Variants in MPHOSPH9 observed in about 807,000 individuals in gnomAD.
MPHOSPH9 encodes M-phase phosphoprotein 9.
MPHOSPH9 carries 88 observed loss-of-function variants against 145.5 expected under a neutral mutation model. The ratio of observed to expected loss-of-function variants is 0.60; its 90% CI spans 0.51 to 0.72. The LOEUF is 0.72. Ranked by LOEUF, MPHOSPH9 falls within the 30% of genes least tolerant of loss-of-function variation. MPHOSPH9 has a pLI of 0.00. For missense variants in MPHOSPH9, 1,238 were observed against 1,386.6 expected (o/e 0.89, Z 1.70); for synonymous variants, 435 against 486.2 (o/e 0.89, Z 1.39).
At chr12:123,240,462 G>T (rs947912572) in intron 1 of MPHOSPH9, 12 of 152,088 alleles carry the variant, frequency 7.9e-5, no homozygotes, top group African/African-American at 2.9e-4. Context: ...TTTGCATGGG[G>T]AGACTGGCTG....
In MPHOSPH9 at chr12:123,160,862, GA is replaced by G. The variant is rs925897346; in HGVS notation, c.3382-14del. On this transcript the variant is annotated splice_polypyrimidine_tract_variant and intron_variant, in intron 22 of 23. Transcript: ENST00000606320. The stretch of plus-strand genomic sequence containing the variant: ...GTGCTGCCTCAATCTGTTAACACAC[GA>G]AAAAAATATGTTTAAATTACTGGCA... 13 of 1,610,434 alleles carry G rather than the reference GA, an allele frequency of 8.1e-6. No individual in the cohort carries two copies. Among genetic ancestry groups the G allele is most frequent in the African/African-American group, 1.3e-5 (1 of 74,750 alleles).
At chr12:123,162,894 T>A in intron 20 of MPHOSPH9, 120 bp downstream of exon 20, 1 of 964,590 alleles carries the variant, frequency 1.0e-6, no homozygotes, top group Non-Finnish European at 1.4e-6. Flanking sequence ...ATGATTTAAA[T>A]GAAATTCACA....
chr12:123,210,947 C>A (rs1593201868), intron 7 of MPHOSPH9, among the ~76,000 whole-genome samples: 1 of 149,358 alleles, frequency 6.7e-6, no homozygotes, highest in Middle Eastern at 3.5e-3. Flanking sequence ...CATGCGCCAC[C>A]ATAACCAGCT....
chr12:123,187,696 G>A (rs1235360460), intron 13 of MPHOSPH9, among the ~76,000 whole-genome samples: 3 of 152,178 alleles, frequency 2.0e-5, no homozygotes, highest in Admixed American at 6.6e-5. Context: ...AGATTTACAC[G>A]AGAAGGAAAT....
chr12:123,226,173 GATT>G (rs1429848370), intron 3 of MPHOSPH9: 14 of 226,830 alleles, frequency 6.2e-5, no homozygotes, highest in African/African-American at 3.0e-4. Flanking sequence ...AGTGCATACT[GATT>G]ATTATATGCA....
intron 13 of MPHOSPH9, among the ~76,000 whole-genome samples, chr12:123,189,364 T>C (rs1238155132): frequency 6.6e-6 from 1 of 152,078 alleles, no homozygotes; most frequent in Non-Finnish European, 1.5e-5. Flanking sequence ...GAACAGAATA[T>C]GTCAAGATTT....
intron 11 of MPHOSPH9, among the ~76,000 whole-genome samples, chr12:123,201,406 G>A (rs922854551): frequency 6.6e-6 from 1 of 152,068 alleles, no homozygotes; most frequent in African/African-American, 2.4e-5. Context: ...TAGAGACAGG[G>A]TGTCGCTCTG....
intron 21 of MPHOSPH9, 136 bp from the exon 22 acceptor site, chr12:123,161,519 C>A: frequency 2.3e-6 from 2 of 885,948 alleles, no homozygotes; most frequent in Non-Finnish European, 1.7e-6. Flanking sequence ...AAAAGAGATA[C>A]AATAATCAAT....
At chr12:123,203,451 A>G in intron 8 of MPHOSPH9, 76 bp from the exon 9 acceptor site, 2 of 1,349,418 alleles carry the variant, frequency 1.5e-6, no homozygotes, top group Non-Finnish European at 2.0e-6. Flanking sequence ...AAGCACCATA[A>G]AAAGATTTTT....
rs1195290314 is a variant in MPHOSPH9 at position 123,198,320 on chromosome 12, T to C, written c.1952A>G (p.Asp651Gly). ...QILVDRCGQL[D>G]SALHEATSRV... ...ACTAGTAGCTTCATGCAAAGCACTATCTAATTGGCCACATCTAAAAACCAT... is the reference window on the plus strand; with the variant it reads ...ACTAGTAGCTTCATGCAAAGCACTACCTAATTGGCCACATCTAAAAACCAT... Residue 651 changes from aspartate (D) to glycine (G), a missense_variant, in exon 12 of 24, where the codon GAT (aspartate) becomes GGT (glycine). This residue lies in a region of MPHOSPH9 where 837 missense variants were observed against 897.5 expected (regional missense o/e 0.93). Coordinates refer to ENST00000606320, the MANE Select transcript of MPHOSPH9 (RefSeq NM_022782.4). The C allele has an allele frequency of 6.2e-7, 1 of 1,611,550 alleles. No individual in the cohort carries two copies. The highest frequency in any genetic ancestry group is 2.2e-5 in the East Asian group (1 of 44,828).
chr12:123,205,308 G>A (rs1394238973), intron 8 of MPHOSPH9, among the ~76,000 whole-genome samples: 1 of 152,198 alleles, frequency 6.6e-6, no homozygotes. Flanking sequence ...CACTTTGGGA[G>A]GCCAAGGCGG....
intron 3 of MPHOSPH9, among the ~76,000 whole-genome samples, chr12:123,226,828 G>A (rs998656618): frequency 9.9e-5 from 15 of 152,134 alleles, no homozygotes; most frequent in African/African-American, 3.1e-4. Context: ...GTAGAGACAG[G>A]GTCTCGCTAT....
At chr12:123,177,539 A>C (rs1302468920) in intron 15 of MPHOSPH9, among the ~76,000 whole-genome samples, 2 of 151,914 alleles carry the variant, frequency 1.3e-5, no homozygotes, top group Non-Finnish European at 2.9e-5. Context: ...TTGTCTCAAA[A>C]AAAAAATAAA....
At chr12:123,193,823 G>A in intron 13 of MPHOSPH9, among the ~76,000 whole-genome samples, 1 of 146,396 alleles carries the variant, frequency 6.8e-6, no homozygotes, top group African/African-American at 2.5e-5. Flanking sequence ...TGCAGACACA[G>A]TTTTTTTTTT....
chr12:123,215,826 A>G (rs558032063), intron 6 of MPHOSPH9, among the ~76,000 whole-genome samples: 1 of 152,220 alleles, frequency 6.6e-6, no homozygotes, highest in Admixed American at 6.5e-5. Flanking sequence ...GTAAAAGCAC[A>G]CTGAAATAAC....
intron 1 of MPHOSPH9, chr12:123,240,477 G>C (rs1044863320): frequency 1.3e-5 from 2 of 152,122 alleles, no homozygotes; most frequent in African/African-American, 2.4e-5. Context: ...TGGCTGGTGA[G>C]TACTTTAACA....
chr12:123,221,478 A>T lies in MPHOSPH9; in HGVS notation c.766T>A (p.Cys256Ser). Reference protein sequence around the residue: ...ENFYIQTPEECHVSLKEDVSI... With the variant: ...ENFYIQTPEESHVSLKEDVSI... ...ACATCTTCCTTTAAAGACACATGAC[A>T]CTCTTCAGGAGTCTGTATATAAAAA... The change falls in exon 5 of 24, where the codon TGT becomes AGT. Residue 256 changes from cysteine to serine, a missense_variant. Cys to Ser is a moderately radical substitution (Grantham distance 112). Coordinates refer to ENST00000606320, the MANE Select transcript of MPHOSPH9 (RefSeq NM_022782.4). 6.2e-7 allele frequency: 1 copy of T among 1,613,670 alleles called. No homozygotes were observed. Among genetic ancestry groups the T allele is most frequent in the Non-Finnish European group, 8.5e-7 (1 of 1,179,778 alleles).
upstream of MPHOSPH9, among the ~76,000 whole-genome samples, chr12:123,236,817 G>A (rs186340904): frequency 7.8e-4 from 118 of 152,038 alleles, no homozygotes; most frequent in African/African-American, 2.8e-3. Context: ...GGCCGGGCGC[G>A]GTGGCTCACA....
intron 8 of MPHOSPH9, among the ~76,000 whole-genome samples, chr12:123,205,156 T>G (rs1439006070): frequency 1.3e-5 from 2 of 152,226 alleles, no homozygotes; most frequent in African/African-American, 4.8e-5. Flanking sequence ...TAAATTTGTG[T>G]CCCATTTCTA....
Sources: allele counts gnomAD v4.1 joint callset (sites outside exome capture counted in the v4.1 genomes callset), GRCh38; gene constraint gnomAD v4.1.1; regional missense constraint gnomAD v4.1.1; transcripts MANE v1.5; gene names NCBI Gene and HGNC (gene_info 2026-07-23, HGNC 2026-07-21).